LEPROTL1: variants seen among roughly 807,000 people sequenced by gnomAD.
LEPROTL1 encodes leptin receptor overlapping transcript like 1, also known as leptin receptor overlapping transcript-like 1.
LEPROTL1 carries 6 observed loss-of-function variants against 15.4 expected under a neutral mutation model. That is an observed-to-expected ratio of 0.39 (90% CI 0.21 to 0.77). The LOEUF (loss-of-function observed/expected upper bound fraction) is 0.77, where lower values mean the gene tolerates loss of function less well. Ranked by LOEUF, LEPROTL1 falls within the 30% of genes least tolerant of loss-of-function variation. LEPROTL1 has a pLI of 0.41. For synonymous variants in LEPROTL1, 56 were observed against 52.6 expected, an observed-to-expected ratio of 1.06 and a Z score of -0.28; for missense variants, 128 against 158.1, an observed-to-expected ratio of 0.81 and a Z score of 1.02.
intron 3 of LEPROTL1, among the ~76,000 whole-genome samples, chr8:30,115,214 T>C (rs780807454): frequency 9.9e-5 from 15 of 151,744 alleles, no homozygotes; most frequent in Non-Finnish European, 1.9e-4. Context: ...ATACAAAAAT[T>C]AGCCGGATGT....
chr8:30,117,357 T>A (rs1802757640), intron 3 of LEPROTL1: 1 of 1,051,194 alleles, frequency 9.5e-7, no homozygotes, highest in Admixed American at 1.9e-5. Context: ...AGGCATTTTG[T>A]TTGTAAATAT....
chr8:30,115,585 C>G (rs914605149), intron 3 of LEPROTL1, among the ~76,000 whole-genome samples: 6 of 113,032 alleles, frequency 5.3e-5, no homozygotes, highest in Middle Eastern at 0.011. Context: ...CGGGGTTTCA[C>G]CATGATGCCC....
rs567730515 is a variant in LEPROTL1, at chr8:30,095,437, G to T, written c.-76G>T. 250 of 1,418,202 alleles carry T rather than the reference G, an allele frequency of 1.8e-4. 1 individual carries two copies. The East Asian group carries it at 4.1e-3, about 23-fold the overall frequency. The allele number at this position is 1,418,202 out of a possible 1,614,324, so 87.9% of individuals were successfully genotyped here. On this transcript the variant is annotated 5_prime_UTR_variant, in exon 1 of 4. Transcript: ENST00000321250. ...TTCCGGGTGTTGTCTGGCCGCCGTA[G>T]CGCGTCTTGGGTCTCCCGGCTGCCG...
rs1251282356 is a variant in LEPROTL1, at chr8:30,095,418, G to T, written c.-95G>T. 6.2e-6 allele frequency: 8 copies of T among 1,290,084 alleles called. No individual in the cohort carries two copies. Among genetic ancestry groups the T allele is most frequent in the East Asian group, 3.2e-5 (1 of 31,608 alleles). The allele number at this position is 1,290,084 out of a possible 1,614,324, so 79.9% of individuals were successfully genotyped here. ...GAAGTGCTGCGTCGCGCACTTCCGG[G>T]TGTTGTCTGGCCGCCGTAGCGCGTC... is the stretch of plus-strand genomic sequence containing the variant. On this transcript the variant is annotated 5_prime_UTR_variant, in exon 1 of 4. Coordinates refer to ENST00000321250, the MANE Select transcript of LEPROTL1 (RefSeq NM_015344.3).
chr8:30,129,711 T>A lies in LEPROTL1; in HGVS notation c.280-2664T>A, dbSNP rs1017954811. The stretch of plus-strand genomic sequence containing the variant: ...GCCTGGGTGACAGAGTGAGACCCTG[T>A]CACACACACACACACACACACACAC... On this transcript the variant is annotated intron_variant, in intron 3 of 4. Coordinates refer to the LEPROTL1 transcript ENST00000442880. 3.1e-5 allele frequency among the ~76,000 whole-genome samples: 4 copies of A among 128,300 alleles called. No individual in the cohort carries two copies. In the East Asian group the frequency reaches 7.9e-4, roughly 25 times the overall value. 84.2% of individuals were successfully genotyped at this position (128,300 alleles called of 152,430 possible).
intron 3 of LEPROTL1, among the ~76,000 whole-genome samples, chr8:30,120,174 A>G (rs1802808196): frequency 6.6e-6 from 1 of 152,180 alleles, no homozygotes; most frequent in African/African-American, 2.4e-5. Flanking sequence ...GATTGTCATT[A>G]TTACTAATGA....
intron 3 of LEPROTL1, among the ~76,000 whole-genome samples, chr8:30,118,438 T>G (rs1332342621): frequency 6.6e-6 from 1 of 152,216 alleles, no homozygotes; most frequent in Non-Finnish European, 1.5e-5. Flanking sequence ...CTGCGTAGTT[T>G]AAACAACAGA....
chr8:30,121,709 A>G (rs1328165467), intron 3 of LEPROTL1, among the ~76,000 whole-genome samples: 1 of 152,118 alleles, frequency 6.6e-6, no homozygotes, highest in Non-Finnish European at 1.5e-5. Context: ...CAATGCAGGG[A>G]TGTGTGATTC....
Position 30,119,746 on chromosome 8 carries a change from A to G in LEPROTL1, c.280-12629A>G, listed in dbSNP as rs1802797596. Among the ~76,000 whole-genome samples the G allele has an allele frequency of 2.6e-5, 4 of 152,298 alleles. No homozygotes were observed. The South Asian group carries it at 8.3e-4, about 32-fold the overall frequency. On this transcript the variant is annotated intron_variant, in intron 3 of 4. Coordinates refer to the LEPROTL1 transcript ENST00000442880. ...AATATTAACTAGGTATTTTTAAAAT[A>G]TGGAGAGTTTTTTCGTGATTTTTTT...
downstream of LEPROTL1, among the ~76,000 whole-genome samples, chr8:30,109,430 C>A (rs1419771710): frequency 6.6e-6 from 1 of 152,168 alleles, no homozygotes; most frequent in Non-Finnish European, 1.5e-5. Flanking sequence ...TTACTAAGAA[C>A]TAATGTTTGT....
chr8:30,103,486 A>G (rs1202975544), intron 2 of LEPROTL1, among the ~76,000 whole-genome samples: 2 of 152,166 alleles, frequency 1.3e-5, no homozygotes. Flanking sequence ...CATGCCTGTA[A>G]TCCTAGCACT....
At position 30,107,629 on chromosome 8, in the gene LEPROTL1, A is replaced by G. The variant is rs1005030444; in HGVS notation, c.*1767A>G. Reference sequence around the variant, plus strand: ...ATCGGCGTGTGGCTGGAGCCTTCCCACTGGAGGCTGAAAGTGGCTTGTGGT... The same window carrying G: ...ATCGGCGTGTGGCTGGAGCCTTCCCGCTGGAGGCTGAAAGTGGCTTGTGGT... On this transcript the variant is annotated 3_prime_UTR_variant, in exon 4 of 4. Coordinates refer to ENST00000321250, the MANE Select transcript of LEPROTL1 (RefSeq NM_015344.3). The G allele has an allele frequency of 1.0e-6, 1 of 985,668 alleles. No homozygotes were observed. Among genetic ancestry groups the G allele is most frequent in the South Asian group, 4.7e-5 (1 of 21,290 alleles). The allele number at this position is 985,668 out of a possible 1,614,324, so 61.1% of individuals were successfully genotyped here.
intron 1 of LEPROTL1, among the ~76,000 whole-genome samples, chr8:30,098,837 A>G (rs1441106276): frequency 6.6e-6 from 1 of 152,230 alleles, no homozygotes; most frequent in Non-Finnish European, 1.5e-5. Context: ...CTTTCGTGAA[A>G]TGGACAGTTG....
intron 3 of LEPROTL1, 34 bp from the exon 4 acceptor site, chr8:30,105,712 A>T: frequency 1.3e-6 from 2 of 1,570,634 alleles, no homozygotes; most frequent in East Asian, 2.3e-5. Context: ...TTCGTTTTTC[A>T]TGCCTGTTGA....
downstream of LEPROTL1, among the ~76,000 whole-genome samples, chr8:30,109,175 CA>C (rs2117493442): frequency 6.6e-6 from 1 of 152,238 alleles, no homozygotes; most frequent in African/African-American, 2.4e-5. Context: ...ATCAATGCAC[CA>C]AAGTTAACAA....
chr8:30,124,456 T>G (rs1452504866), intron 3 of LEPROTL1, among the ~76,000 whole-genome samples: 1 of 152,202 alleles, frequency 6.6e-6, no homozygotes, highest in Non-Finnish European at 1.5e-5. Flanking sequence ...CTCAGATTAT[T>G]TTAAAGCAAT....
At chr8:30,135,338 A>G (rs1803118544) in intron 4 of LEPROTL1, among the ~76,000 whole-genome samples, 1 of 152,246 alleles carries the variant, frequency 6.6e-6, no homozygotes, top group Non-Finnish European at 1.5e-5. Context: ...TAATATTTCC[A>G]AGAAAGGCCT....
chr8:30,132,129 C>T lies in LEPROTL1; in HGVS notation c.280-246C>T, dbSNP rs1203628976. ...AGGTGAGGGTTCTATAGAACAGCCT[C>T]ATCGGCCAGGATCTGATAAACTCAT... On this transcript the variant is annotated intron_variant, in intron 3 of 4. Transcript: ENST00000442880. The T allele has an allele frequency of 6.4e-6, 10 of 1,551,740 alleles. No individual in the cohort carries two copies. The highest frequency in any genetic ancestry group is 1.7e-4 in the Middle Eastern group (1 of 5,990).
At chr8:30,129,451 TC>T (rs1802959041) in intron 3 of LEPROTL1, among the ~76,000 whole-genome samples, 1 of 152,116 alleles carries the variant, frequency 6.6e-6, no homozygotes, top group Non-Finnish European at 1.5e-5. Flanking sequence ...ACACCTGTGA[TC>T]CCAGCACTTC....
Sources: gnomAD v4.1 joint callset for allele counts (sites outside exome capture counted in the v4.1 genomes callset) on GRCh38, gnomAD v4.1.1 for gene constraint, MANE v1.5 for transcripts, NCBI Gene and HGNC (gene_info 2026-07-23, HGNC 2026-07-21) for gene names.